Variants in CPSF3 observed in about 807,000 individuals in gnomAD.
CPSF3 encodes the protein cleavage and polyadenylation specific factor 3, also known as cleavage and polyadenylation specificity factor subunit 3.
Under a neutral mutation model 84.1 loss-of-function variants are expected in CPSF3, and 57 were observed. That is an observed-to-expected ratio of 0.68 (90% CI 0.55 to 0.85). CPSF3 has a LOEUF of 0.85. Among genes scored for constraint, CPSF3 ranks in the 40% least tolerant of loss-of-function variants. The pLI, the probability that CPSF3 is intolerant of heterozygous loss-of-function variation, is 0.00. For missense variants in CPSF3, 522 were observed against 838.8 expected, an observed-to-expected ratio of 0.62 and a Z score of 4.66; for synonymous variants, 275 against 278.1, an observed-to-expected ratio of 0.99 and a Z score of 0.11.
At chr2:9,466,273 C>G (rs1572809589) in intron 15 of CPSF3, among the ~76,000 whole-genome samples, 1 of 44,818 alleles carries the variant, frequency 2.2e-5, no homozygotes, top group Non-Finnish European at 7.9e-5. Context: ...CAAAGACGCA[C>G]GCACACACGT....
intron 1 of CPSF3, among the ~76,000 whole-genome samples, chr2:9,427,533 A>G (rs1324325673): frequency 2.0e-5 from 3 of 152,216 alleles, no homozygotes; most frequent in Non-Finnish European, 4.4e-5. Flanking sequence ...AATAATTACA[A>G]ATAAAAAATG....
intron 15 of CPSF3, among the ~76,000 whole-genome samples, chr2:9,466,300 G>A (rs1212901872): frequency 1.0e-4 from 11 of 107,316 alleles, no homozygotes; most frequent in African/African-American, 2.6e-4. Flanking sequence ...ACAGACGCAT[G>A]CACACGCACA....
intron 6 of CPSF3, 102 bp downstream of exon 6, chr2:9,434,062 T>A: frequency 1.4e-6 from 1 of 694,444 alleles, no homozygotes; most frequent in East Asian, 2.9e-5. Flanking sequence ...TGTTATTGGA[T>A]ATAAACTTAC....
chr2:9,442,060 T>C, intron 9 of CPSF3, 84 bp downstream of exon 9: 1 of 1,366,046 alleles, frequency 7.3e-7, no homozygotes, highest in Non-Finnish European at 1.0e-6. Flanking sequence ...TGCACTGAAG[T>C]AGTTCTTCAA....
At position 9,473,069 on chromosome 2, in the gene CPSF3, C is replaced by T. The variant is rs779221244; in HGVS notation, c.*52C>T. ...AAAATACTTGACTCTACTTTTGTTACCTAAAATAAAATGCATTCGTTTCTC... is the reference window on the plus strand; with the variant it reads ...AAAATACTTGACTCTACTTTTGTTATCTAAAATAAAATGCATTCGTTTCTC... On this transcript the variant is annotated 3_prime_UTR_variant, in exon 18 of 18. Transcript: ENST00000238112. 7.5e-7 allele frequency: 1 copy of T among 1,325,428 alleles called. No homozygotes were observed. Among genetic ancestry groups the T allele is most frequent in the East Asian group, 2.3e-5 (1 of 42,850 alleles). The allele number at this position is 1,325,428 out of a possible 1,614,324, so 82.1% of individuals were successfully genotyped here.
Position 9,432,463 on chromosome 2 carries a change from A to T in CPSF3, c.342-48A>T, listed in dbSNP as rs1680624859. On this transcript the variant is annotated intron_variant, in intron 4 of 17. Transcript: ENST00000238112. ...ATTTCTTTGTGTTCAAAGGCTTTTT[A>T]AAAAATCTGACTCTTAATTGTTTTT... The T allele has an allele frequency of 5.9e-6, 8 of 1,360,828 alleles. No homozygotes were observed. The Middle Eastern group carries it at 5.9e-4, about 100-fold the overall frequency. The allele number at this position is 1,360,828 out of a possible 1,614,324, so 84.3% of individuals were successfully genotyped here. A position where few individuals can be genotyped will look rare whatever the true frequency, so the allele number is the denominator to read the frequency against.
chr2:9,473,071 T>A lies in CPSF3; in HGVS notation c.*54T>A. On this transcript the variant is annotated 3_prime_UTR_variant, in exon 18 of 18. Coordinates refer to ENST00000238112, the MANE Select transcript of CPSF3 (RefSeq NM_016207.4). Reference sequence around the variant, plus strand: ...AATACTTGACTCTACTTTTGTTACCTAAAATAAAATGCATTCGTTTCTCTG... The same window carrying A: ...AATACTTGACTCTACTTTTGTTACCAAAAATAAAATGCATTCGTTTCTCTG... The A allele has an allele frequency of 8.0e-7, 1 of 1,254,678 alleles. No homozygotes were observed. Among genetic ancestry groups the A allele is most frequent in the Non-Finnish European group, 1.1e-6 (1 of 869,660 alleles). The allele number at this position is 1,254,678 out of a possible 1,614,324, so 77.7% of individuals were successfully genotyped here.
rs189663012 is a variant in CPSF3, at chr2:9,436,878, G to A, written c.760+517G>A. On this transcript the variant is annotated intron_variant, in intron 7 of 17. Transcript: ENST00000238112. ...GGAATGTGAACTGGCGACCCCTTCC[G>A]GTTGCCATCAGAAGTCTTAAAATAT... Among the ~76,000 whole-genome samples, 6 of 152,028 alleles carry A rather than the reference G, an allele frequency of 3.9e-5. No homozygotes were observed. The East Asian group carries it at 5.8e-4, about 15-fold the overall frequency.
chr2:9,444,501 G>A (rs1681064510), intron 10 of CPSF3, among the ~76,000 whole-genome samples: 2 of 151,844 alleles, frequency 1.3e-5, no homozygotes, highest in African/African-American at 4.8e-5. Context: ...GGAAAGGAGG[G>A]GTAAGCTGAA....
intron 9 of CPSF3, among the ~76,000 whole-genome samples, chr2:9,443,043 G>T (rs1308214979): frequency 6.6e-6 from 1 of 152,112 alleles, no homozygotes; most frequent in Admixed American, 6.5e-5. Context: ...CGTGCCTGTA[G>T]TCCTAGCTAG....
At chr2:9,427,211 T>G (rs11895982) in intron 1 of CPSF3, among the ~76,000 whole-genome samples, 1 of 151,952 alleles carries the variant, frequency 6.6e-6, no homozygotes, top group Admixed American at 6.6e-5. Context: ...TGGTGGAAAG[T>G]TTCATTGTGG....
At chr2:9,438,026 G>T (rs957639255) in intron 7 of CPSF3, among the ~76,000 whole-genome samples, 8 of 152,334 alleles carry the variant, frequency 5.3e-5, no homozygotes, top group South Asian at 4.2e-4. Flanking sequence ...AATAAAATGG[G>T]TGCTTTGCAT....
chr2:9,447,836 T>C (rs1238134119), intron 10 of CPSF3, among the ~76,000 whole-genome samples: 1 of 152,096 alleles, frequency 6.6e-6, no homozygotes, highest in Non-Finnish European at 1.5e-5. Flanking sequence ...TAGCAATAGT[T>C]TTGTACAAGA....
intron 1 of CPSF3, among the ~76,000 whole-genome samples, chr2:9,425,811 G>A (rs910941473): frequency 3.9e-5 from 6 of 152,010 alleles, no homozygotes; most frequent in African/African-American, 1.2e-4. Flanking sequence ...TAATTCAGTC[G>A]TTCTTAACAT....
intron 15 of CPSF3, among the ~76,000 whole-genome samples, chr2:9,460,368 G>A (rs1272236054): frequency 6.6e-6 from 1 of 152,134 alleles, no homozygotes; most frequent in Admixed American, 6.5e-5. Context: ...GGCAGAGTTT[G>A]CAGTGAGCCG....
chr2:9,444,328 G>A (rs768108455), intron 10 of CPSF3, among the ~76,000 whole-genome samples: 7 of 151,468 alleles, frequency 4.6e-5, no homozygotes, highest in East Asian at 3.9e-4. Context: ...GGGTTTCACC[G>A]TCTTGGCCGG....
chr2:9,437,703 G>A (rs993584962), intron 7 of CPSF3, among the ~76,000 whole-genome samples: 1 of 152,126 alleles, frequency 6.6e-6, no homozygotes, highest in African/African-American at 2.4e-5. Flanking sequence ...ATAAAAGAAG[G>A]TACTTTACAG....
intron 4 of CPSF3, 92 bp from the exon 5 acceptor site, chr2:9,432,419 C>T (rs974683820): frequency 2.5e-6 from 2 of 793,604 alleles, no homozygotes; most frequent in African/African-American, 3.5e-5. Flanking sequence ...GAAATATCTT[C>T]ATGGAGATGT....
intron 14 of CPSF3, among the ~76,000 whole-genome samples, chr2:9,457,239 A>G (rs1464535799): frequency 6.6e-6 from 1 of 151,152 alleles, no homozygotes; most frequent in African/African-American, 2.4e-5. Context: ...AGCATTTTCT[A>G]TGTAGTCACA....
Sources: allele counts gnomAD v4.1 joint callset (sites outside exome capture counted in the v4.1 genomes callset), GRCh38; gene constraint gnomAD v4.1.1; transcripts MANE v1.5; gene names NCBI Gene and HGNC (gene_info 2026-07-23, HGNC 2026-07-21).